The following EPM2A variants were observed in gnomAD, a reference collection of about 807,000 sequenced individuals.
EPM2A encodes laforin.
A neutral mutation model predicts 26.5 loss-of-function variants in EPM2A; 21 were observed. The observed-to-expected ratio is 0.79, with a 90% confidence interval of 0.56 to 1.14. The LOEUF (loss-of-function observed/expected upper bound fraction) is 1.14. Ranked by LOEUF, EPM2A falls within the 50% of genes most tolerant of loss-of-function variation. EPM2A has a pLI of 0.00. For synonymous variants in EPM2A, 217 were observed against 177.6 expected (o/e 1.22, Z -1.76); for missense variants, 458 against 440.8 (o/e 1.04, Z -0.35).
rs184439783 is a variant in EPM2A at position 145,726,331 on chromosome 6, G to T, written c.301+8867C>A. ...CCTATATATATAAATAATTGAATAG[G>T]TAAATAAATGAGGGAGAAGAGACAA... On this transcript the variant is annotated intron_variant, in intron 1 of 3. Coordinates refer to ENST00000367519, the MANE Select transcript of EPM2A (RefSeq NM_005670.4). 1.2e-3 allele frequency among the ~76,000 whole-genome samples: 183 copies of T among 152,018 alleles called. 4 individuals carry two copies. The highest frequency in any genetic ancestry group is 0.011 in the Admixed American group (172 of 15,270).
At chr6:145,466,719 A>T (rs1222662155) in intron 4 of EPM2A, among the ~76,000 whole-genome samples, 1 of 152,206 alleles carries the variant, frequency 6.6e-6, no homozygotes, top group Admixed American at 6.5e-5. Flanking sequence ...CATTATTCAC[A>T]ATAGCAAAGA....
chr6:145,576,864 T>A (rs975430251), intron 2 of EPM2A, among the ~76,000 whole-genome samples: 1 of 151,704 alleles, frequency 6.6e-6, no homozygotes, highest in African/African-American at 2.4e-5. Flanking sequence ...ACAAAAAAAG[T>A]CAAAAAATGT....
chr6:145,734,000 G>C (rs1299507139), intron 1 of EPM2A, among the ~76,000 whole-genome samples: 2 of 152,036 alleles, frequency 1.3e-5, no homozygotes, highest in Non-Finnish European at 2.9e-5. Flanking sequence ...GGCGGGAGCC[G>C]ACATTAGATA....
Position 145,625,903 on chromosome 6 carries a change from A to G in EPM2A, c.*1513T>C, listed in dbSNP as rs1163827224. The G allele has an allele frequency of 1.4e-6, 2 of 1,446,796 alleles. No homozygotes were observed. The highest frequency in any genetic ancestry group is 5.0e-5 in the East Asian group (2 of 39,786). The allele number at this position is 1,446,796 out of a possible 1,614,324, so 89.6% of individuals were successfully genotyped here. ...GGAAGGTGCAGAAAAATAAATACGCATCATAGTTTAATTAGGAAAGTAAGG... is the reference window on the plus strand; with the variant it reads ...GGAAGGTGCAGAAAAATAAATACGCGTCATAGTTTAATTAGGAAAGTAAGG... On this transcript the variant is annotated 3_prime_UTR_variant, in exon 4 of 4. Transcript: ENST00000367519.
intron 4 of EPM2A, among the ~76,000 whole-genome samples, chr6:145,486,036 G>A (rs1172743249): frequency 6.6e-6 from 1 of 152,202 alleles, no homozygotes; most frequent in Non-Finnish European, 1.5e-5. Context: ...ATTTGGGTGA[G>A]GATACAGCCA....
intron 2 of EPM2A, among the ~76,000 whole-genome samples, chr6:145,576,050 G>C (rs1026254040): frequency 6.6e-6 from 1 of 152,076 alleles, no homozygotes; most frequent in East Asian, 1.9e-4. Context: ...TGGCCAGGCT[G>C]GTCTCAAACT....
intron 2 of EPM2A, among the ~76,000 whole-genome samples, chr6:145,551,398 A>C (rs762094380): frequency 5.3e-5 from 8 of 152,084 alleles, no homozygotes; most frequent in Non-Finnish European, 1.0e-4. Context: ...GGCTTAGTAC[A>C]CAGGAAGCAG....
intron 4 of EPM2A, among the ~76,000 whole-genome samples, chr6:145,405,794 T>C (rs1778559745): frequency 6.6e-6 from 1 of 152,164 alleles, no homozygotes; most frequent in Non-Finnish European, 1.5e-5. Context: ...GTTGAATAGC[T>C]GTTTTCCAGG....
intron 4 of EPM2A, chr6:145,491,871 T>C (rs769922529): frequency 1.9e-6 from 1 of 513,004 alleles, no homozygotes; most frequent in Non-Finnish European, 4.0e-6. Context: ...TACCAACAAC[T>C]TCTATCTCCA....
At chr6:145,595,369 A>G (rs9497359) in intron 2 of EPM2A, among the ~76,000 whole-genome samples, 5,774 of 151,950 alleles carry the variant, frequency 0.038, 116 homozygotes, top group African/African-American at 0.058. Context: ...CCAAGAAGAC[A>G]TACTATAGGA....
At chr6:145,404,269 T>A (rs999268909) in intron 4 of EPM2A, among the ~76,000 whole-genome samples, 5 of 152,162 alleles carry the variant, frequency 3.3e-5, no homozygotes, top group Non-Finnish European at 7.4e-5. Flanking sequence ...CATTTGAACA[T>A]ATTTTCATAT....
chr6:145,427,332 G>A (rs1423798606), intron 4 of EPM2A, among the ~76,000 whole-genome samples: 1 of 152,160 alleles, frequency 6.6e-6, no homozygotes, highest in African/African-American at 2.4e-5. Context: ...AAAGGAGTAA[G>A]TCTTGTGGAT....
rs1775814513 is a variant in EPM2A at position 145,626,463 on chromosome 6, A to G, written c.*953T>C. 3 of 985,832 alleles carry G rather than the reference A, an allele frequency of 3.0e-6. No individual in the cohort carries two copies. In the South Asian group the frequency reaches 1.4e-4, roughly 46 times the overall value. 61.1% of individuals were successfully genotyped at this position (985,832 alleles called of 1,614,324 possible). ...ATGTTTTTAAATTAGCTTGCACAAA[A>G]TACAACTAATTTCCTAGATTCTTTG... On this transcript the variant is annotated 3_prime_UTR_variant, in exon 4 of 4. Coordinates refer to ENST00000367519, the MANE Select transcript of EPM2A (RefSeq NM_005670.4).
chr6:145,659,230 G>C (rs1778511681), intron 2 of EPM2A, among the ~76,000 whole-genome samples: 2 of 152,084 alleles, frequency 1.3e-5, no homozygotes, highest in South Asian at 4.1e-4. Flanking sequence ...GGTGGGATGG[G>C]GTGGGAGGAT....
At chr6:145,544,933 C>G (rs994040412) in intron 2 of EPM2A, among the ~76,000 whole-genome samples, 1 of 152,140 alleles carries the variant, frequency 6.6e-6, no homozygotes, top group Non-Finnish European at 1.5e-5. Context: ...AAGCTTTAAG[C>G]ATATTCAGTT....
At chr6:145,611,147 T>A (rs1775384385) in intron 2 of EPM2A, among the ~76,000 whole-genome samples, 1 of 152,198 alleles carries the variant, frequency 6.6e-6, no homozygotes, top group Admixed American at 6.5e-5. Flanking sequence ...TATTCTGTAC[T>A]GACAAGTATC....
intron 4 of EPM2A, among the ~76,000 whole-genome samples, chr6:145,473,851 T>C (rs764975076): frequency 6.6e-6 from 1 of 150,718 alleles, no homozygotes; most frequent in Non-Finnish European, 1.5e-5. Flanking sequence ...ATAAAGACTT[T>C]CCCAGACAAA....
chr6:145,563,199 T>G (rs1312034365), intron 2 of EPM2A, among the ~76,000 whole-genome samples: 1 of 151,516 alleles, frequency 6.6e-6, no homozygotes, highest in African/African-American at 2.4e-5. Flanking sequence ...CCTGTACCTG[T>G]GTGGAGTGAA....
intron 2 of EPM2A, among the ~76,000 whole-genome samples, chr6:145,586,594 A>C (rs984004673): frequency 7.9e-5 from 12 of 152,204 alleles, no homozygotes; most frequent in African/African-American, 2.9e-4. Flanking sequence ...AGAAAAGAGC[A>C]GTGAATACCA....
Sources: gnomAD v4.1 joint callset for allele counts (sites outside exome capture counted in the v4.1 genomes callset) on GRCh38, gnomAD v4.1.1 for gene constraint, MANE v1.5 for transcripts, NCBI Gene and HGNC (gene_info 2026-07-23, HGNC 2026-07-21) for gene names.